Variants in PCDHGC4 observed in about 807,000 individuals in gnomAD.
The protein encoded by PCDHGC4 is protocadherin gamma-C4.
A neutral mutation model predicts 59.7 loss-of-function variants in PCDHGC4; 15 were observed. That is an observed-to-expected ratio of 0.25 (90% CI 0.17 to 0.39). The LOEUF is 0.39. PCDHGC4 is among the 10% of genes least tolerant of loss of function. PCDHGC4 has a pLI of 1.00. For synonymous variants in PCDHGC4, 434 were observed against 481.4 expected (o/e 0.90, Z 1.29); for missense variants, 1,016 against 1,189.5 (o/e 0.85, Z 2.15).
Position 141,489,565 on chromosome 5 carries a change from G to C in PCDHGC4, c.2442+1950G>C. The C allele has an allele frequency of 6.2e-7, 1 of 1,614,118 alleles. No homozygotes were observed. ...CAGCTGCCTGCTGCCAGTGCAGGTGGTGACTGAACACCCCCTGGAGCTAAT... is the reference window on the plus strand; with the variant it reads ...CAGCTGCCTGCTGCCAGTGCAGGTGCTGACTGAACACCCCCTGGAGCTAAT... On this transcript the variant is annotated intron_variant, in intron 1 of 3. Coordinates refer to ENST00000306593, the MANE Select transcript of PCDHGC4 (RefSeq NM_018928.3). This position sits in a 1 kb window ranked among gnomAD's most constrained non-coding sequence, Gnocchi z 4.5.
At chr5:141,500,877 A>C (rs2099803156) in intron 2 of PCDHGC4, among the ~76,000 whole-genome samples, 1 of 122,292 alleles carries the variant, frequency 8.2e-6, no homozygotes, top group African/African-American at 3.9e-5. Flanking sequence ...TTCATTTACA[A>C]TTTTTTTTTT....
intron 1 of PCDHGC4, 102 bp from the exon 2 acceptor site, chr5:141,494,705 G>A (rs2099756254): frequency 1.3e-6 from 2 of 1,597,990 alleles, no homozygotes; most frequent in East Asian, 2.2e-5. Context: ...TTTCTTCTCT[G>A]TGCCCACTCC....
chr5:141,501,947 T>A (rs2099811963), intron 2 of PCDHGC4, among the ~76,000 whole-genome samples: 1 of 152,152 alleles, frequency 6.6e-6, no homozygotes, highest in Non-Finnish European at 1.5e-5. Context: ...CTGCTCCCTG[T>A]GACAGGTCAT....
intron 3 of PCDHGC4, 146 bp from the exon 4 acceptor site, chr5:141,510,801 A>G: frequency 6.7e-7 from 1 of 1,489,832 alleles, no homozygotes; most frequent in Non-Finnish European, 9.1e-7. Flanking sequence ...AAGAGAGACT[A>G]CCTTGGTGAC....
chr5:141,485,735 G>C lies in PCDHGC4; in HGVS notation c.562G>C (p.Gly188Arg), dbSNP rs1562107417. ...ACTGGATGTGAAGAAGCGCAGCGAC[G>C]GCAGCCTGGTCCCAGAGCTGCTCCT... is the stretch of plus-strand genomic sequence containing the variant. ...FALDVKKRSDGSLVPELLLEK... is the reference protein window; with the variant it reads ...FALDVKKRSDRSLVPELLLEK... Residue 188 changes from glycine to arginine, a missense_variant, in exon 1 of 4, where the codon GGC becomes CGC. Coordinates refer to ENST00000306593, the MANE Select transcript of PCDHGC4 (RefSeq NM_018928.3). This position sits in a 1 kb window ranked among gnomAD's most constrained non-coding sequence, Gnocchi z 5.7. 2.5e-6 allele frequency: 4 copies of C among 1,614,048 alleles called. No individual in the cohort carries two copies. The highest frequency in any genetic ancestry group is 3.4e-6 in the Non-Finnish European group (4 of 1,180,044).
In PCDHGC4 at chr5:141,511,106, G is replaced by A. The variant is rs536900646; in HGVS notation, c.2750G>A (p.Arg917Gln). 4.6e-5 allele frequency: 75 copies of A among 1,614,196 alleles called. No individual in the cohort carries two copies. In the East Asian group the frequency reaches 5.8e-4, roughly 12 times the overall value. Reference protein sequence around the residue: ...NATLTNAAGKRDGKAPAGGNG... With the variant: ...NATLTNAAGKQDGKAPAGGNG... ...ACACTGACCAACGCAGCTGGCAAGC[G>A]GGATGGCAAGGCCCCAGCAGGTGGC... The change falls in exon 4 of 4, where the codon CGG (arginine) becomes CAG (glutamine). Residue 917 changes from arginine (R) to glutamine (Q), a missense_variant. Coordinates refer to ENST00000306593, the MANE Select transcript of PCDHGC4 (RefSeq NM_018928.3).
chr5:141,500,499 G>T lies in PCDHGC4; in HGVS notation c.2502-4894G>T, dbSNP rs531501031. On this transcript the variant is annotated intron_variant, in intron 2 of 3. Transcript: ENST00000306593. ...GCTGGGATTACAGGCGTGAGCCACC[G>T]CGCCTGGCCGAGCTTCATTTTAAAA... Among the ~76,000 whole-genome samples, 24 of 152,088 alleles carry T rather than the reference G, an allele frequency of 1.6e-4. 1 individual carries two copies. In the Middle Eastern group the frequency reaches 0.01, roughly 65 times the overall value.
In PCDHGC4 at chr5:141,512,926, T is replaced by C. The variant is rs1438111849; in HGVS notation, c.*1753T>C. The C allele has an allele frequency of 6.6e-6, 1 of 152,216 alleles. No homozygotes were observed. The highest frequency in any genetic ancestry group is 1.5e-5 in the Non-Finnish European group (1 of 68,048). 9.4% of individuals were successfully genotyped at this position (152,216 alleles called of 1,614,324 possible). A position where few individuals can be genotyped will look rare whatever the true frequency, so the allele number is the denominator to read the frequency against. On this transcript the variant is annotated 3_prime_UTR_variant, in exon 4 of 4. Coordinates refer to ENST00000306593, the MANE Select transcript of PCDHGC4 (RefSeq NM_018928.3). ...CGCAAGTTTTATACTCTAATATTTA[T>C]ATGGCTTTTTTTCTTCGACAAAAAA...
chr5:141,507,851 C>T (rs570052933), intron 3 of PCDHGC4, among the ~76,000 whole-genome samples: 48 of 152,322 alleles, frequency 3.2e-4, no homozygotes, highest in African/African-American at 1.1e-3. Context: ...CCTGCTCTCA[C>T]TTTCACACCC....
chr5:141,507,736 G>A (rs1562231670), intron 3 of PCDHGC4, among the ~76,000 whole-genome samples: 1 of 152,240 alleles, frequency 6.6e-6, no homozygotes. Flanking sequence ...CATGCAGCTC[G>A]TTCCCCTGTC....
At chr5:141,504,743 G>A (rs924744762) in intron 2 of PCDHGC4, among the ~76,000 whole-genome samples, 5 of 151,982 alleles carry the variant, frequency 3.3e-5, no homozygotes, top group African/African-American at 9.7e-5. Context: ...GGAAGCCATT[G>A]AATTTTAGAA....
intron 2 of PCDHGC4, among the ~76,000 whole-genome samples, chr5:141,497,541 T>A (rs1157403777): frequency 1.1e-5 from 1 of 89,566 alleles, no homozygotes; most frequent in Admixed American, 1.2e-4. Context: ...GCAACAAACC[T>A]TTTTTTTTTT....
rs1562106021 is a variant in PCDHGC4 at position 141,485,561 on chromosome 5, G to T, written c.388G>T (p.Ala130Ser). 6.2e-7 allele frequency: 1 copy of T among 1,613,008 alleles called. No individual in the cohort carries two copies. Among genetic ancestry groups the T allele is most frequent in the Non-Finnish European group, 8.5e-7 (1 of 1,179,122 alleles). ...AGAGATCGTAGATGTGAATGATCAC[G>T]CCCCCCGTTTTCCGCGGCAGCAGCT... Reference protein sequence around the residue: ...EVEIVDVNDHAPRFPRQQLDL... With the variant: ...EVEIVDVNDHSPRFPRQQLDL... The change falls in exon 1 of 4, where the codon GCC becomes TCC. Residue 130 changes from alanine to serine, a missense_variant. Coordinates refer to ENST00000306593, the MANE Select transcript of PCDHGC4 (RefSeq NM_018928.3). The surrounding 1 kb of genome is among the most constrained non-coding windows in gnomAD (Gnocchi z 5.7).
rs745989563 is a variant in PCDHGC4, at chr5:141,490,728, T to G, written c.2442+3113T>G. The G allele has an allele frequency of 6.2e-7, 1 of 1,614,148 alleles. No individual in the cohort carries two copies. Among genetic ancestry groups the G allele is most frequent in the East Asian group, 2.2e-5 (1 of 44,882 alleles). ...GCCTCACCTACTCCATTGTAGGAAA[T>G]CAGGTTCAGGGAGCCCCAGCCTCCT... On this transcript the variant is annotated intron_variant, in intron 1 of 3. Transcript: ENST00000306593. The surrounding 1 kb of genome is among the most constrained non-coding windows in gnomAD (Gnocchi z 5.4).
chr5:141,506,760 G>A (rs1018086132), intron 3 of PCDHGC4, among the ~76,000 whole-genome samples: 1 of 152,128 alleles, frequency 6.6e-6, no homozygotes, highest in Non-Finnish European at 1.5e-5. Context: ...CTAGCTTCTG[G>A]AGCAGCAAAT....
intron 2 of PCDHGC4, among the ~76,000 whole-genome samples, chr5:141,498,277 G>T (rs1216561939): frequency 6.6e-6 from 1 of 151,924 alleles, no homozygotes; most frequent in African/African-American, 2.4e-5. Flanking sequence ...CAGTAAACTT[G>T]GTTCAAGATC....
At chr5:141,507,283 G>T (rs917383969) in intron 3 of PCDHGC4, 2 of 150,498 alleles carry the variant, frequency 1.3e-5, no homozygotes, top group Non-Finnish European at 2.9e-5. Context: ...GCATAAGTCA[G>T]TCTCAAATGT....
At position 141,485,222 on chromosome 5, in the gene PCDHGC4, C is replaced by T; in HGVS notation, c.49C>T (p.Leu17Phe). The change falls in exon 1 of 4, where the codon CTT becomes TTT. Residue 17 changes from leucine (L) to phenylalanine (F), a missense_variant. Transcript: ENST00000306593. The surrounding 1 kb of genome is among the most constrained non-coding windows in gnomAD (Gnocchi z 5.7). Reference protein sequence around the residue: ...SWTEIWRWATLLFLFYHLGYV... With the variant: ...SWTEIWRWATFLFLFYHLGYV... The stretch of plus-strand genomic sequence containing the variant: ...GACAGAAATCTGGCGGTGGGCTACC[C>T]TTTTGTTCCTCTTTTACCACCTGGG... 4 of 1,614,196 alleles carry T rather than the reference C, an allele frequency of 2.5e-6. No homozygotes were observed. Among genetic ancestry groups the T allele is most frequent in the Non-Finnish European group, 2.5e-6 (3 of 1,180,020 alleles).
In PCDHGC4 at chr5:141,487,135, A is replaced by T; in HGVS notation, c.1962A>T (p.Pro654=). 6.2e-7 allele frequency: 1 copy of T among 1,613,544 alleles called. No individual in the cohort carries two copies. The highest frequency in any genetic ancestry group is 8.5e-7 in the Non-Finnish European group (1 of 1,179,856). ...TGGTAAAGGATAGTGGTAGTCCACC[A>T]CTCTCTACCTCTGTTACTCTCTTAG... ...VIVVKDSGSP[P]LSTSVTLLVS... is the part of the protein sequence containing the mutation. Residue 654 remains proline, a synonymous_variant, in exon 1 of 4, where the codon CCA becomes CCT. Transcript: ENST00000306593. The surrounding 1 kb of genome is among the most constrained non-coding windows in gnomAD (Gnocchi z 5.0).
Sources: gnomAD v4.1 joint callset for allele counts (sites outside exome capture counted in the v4.1 genomes callset) on GRCh38, gnomAD v4.1.1 for gene constraint, Gnocchi (gnomAD v3.1) non-coding constraint, MANE v1.5 for transcripts, NCBI Gene and HGNC (gene_info 2026-07-23, HGNC 2026-07-21) for gene names.